The following COL26A1 variants were observed in gnomAD, a reference collection of about 807,000 sequenced individuals.
The protein encoded by COL26A1 is collagen alpha-1(XXVI) chain.
A neutral mutation model predicts 59.3 loss-of-function variants in COL26A1; 41 were observed. That is an observed-to-expected ratio of 0.69 (90% confidence interval 0.54 to 0.90). The LOEUF (loss-of-function observed/expected upper bound fraction) is 0.90, where lower values mean the gene tolerates loss of function less well. Ranked by LOEUF, COL26A1 falls within the 40% of genes least tolerant of loss-of-function variation. The pLI, the probability that COL26A1 is intolerant of heterozygous loss-of-function variation, is 0.00. For missense variants in COL26A1, 612 were observed against 602.3 expected (o/e 1.02, Z -0.17); for synonymous variants, 266 against 256.0 (o/e 1.04, Z -0.37).
chr7:101,395,562 G>C (rs562386231), intron 1 of COL26A1, among the ~76,000 whole-genome samples: 1 of 152,282 alleles, frequency 6.6e-6, no homozygotes, highest in Admixed American at 6.5e-5. Flanking sequence ...TTTAATCAGC[G>C]GGGCTGGAGG....
At chr7:101,419,846 C>T in intron 1 of COL26A1, 131 bp from the exon 2 acceptor site, 5 of 861,422 alleles carry the variant, frequency 5.8e-6, no homozygotes, top group South Asian at 3.3e-5. Context: ...TCTCAGTGGG[C>T]CCCCCATCCA....
intron 3 of COL26A1, among the ~76,000 whole-genome samples, chr7:101,506,139 G>T (rs1781344841): frequency 6.6e-6 from 1 of 152,198 alleles, no homozygotes; most frequent in African/African-American, 2.4e-5. Context: ...CACCCATTCA[G>T]AGCCTTTGGG....
intron 3 of COL26A1, among the ~76,000 whole-genome samples, chr7:101,470,348 C>A (rs1445589417): frequency 6.6e-6 from 1 of 151,986 alleles, no homozygotes; most frequent in Non-Finnish European, 1.5e-5. Context: ...TCCACCTCGG[C>A]CTCCCAAAGT....
At chr7:101,415,000 C>T (rs1293607355) in intron 1 of COL26A1, among the ~76,000 whole-genome samples, 2 of 152,178 alleles carry the variant, frequency 1.3e-5, no homozygotes, top group Non-Finnish European at 2.9e-5. Context: ...ACTTTCTTTT[C>T]CATCTGCAAA....
chr7:101,390,581 A>C (rs1181494672), intron 1 of COL26A1, among the ~76,000 whole-genome samples: 1 of 151,998 alleles, frequency 6.6e-6, no homozygotes, highest in Non-Finnish European at 1.5e-5. Context: ...ATGCACTACC[A>C]TGCCTGGCTA....
chr7:101,500,912 G>A (rs1426197577), intron 3 of COL26A1, among the ~76,000 whole-genome samples: 1 of 151,870 alleles, frequency 6.6e-6, no homozygotes, highest in Non-Finnish European at 1.5e-5. Context: ...ACCACCGGGC[G>A]GTGGCTCACG....
intron 1 of COL26A1, among the ~76,000 whole-genome samples, chr7:101,364,877 G>A (rs1041888916): frequency 1.3e-5 from 2 of 152,110 alleles, no homozygotes; most frequent in African/African-American, 4.8e-5. Context: ...GCCCAGATCT[G>A]GTGTTTTCTA....
chr7:101,387,768 A>ATTT (rs1194001209), intron 1 of COL26A1, among the ~76,000 whole-genome samples: 135 of 36,410 alleles, frequency 3.7e-3, no homozygotes, highest in African/African-American at 8.6e-3. Context: ...ATATATATAT[A>ATTT]TATATATATA....
rs1216019444 is a variant in COL26A1 at position 101,539,836 on chromosome 7, C to G, written c.448-57C>G. On this transcript the variant is annotated intron_variant, in intron 4 of 12. Transcript: ENST00000313669. ...CACATGCATGTCCCTGTGTGTCACG[C>G]ATGTCCCTATGTGTCAGGCCCAACT... is the stretch of plus-strand genomic sequence containing the variant. 3 of 1,551,146 alleles carry G rather than the reference C, an allele frequency of 1.9e-6. No individual in the cohort carries two copies. The East Asian group carries it at 6.8e-5, about 35-fold the overall frequency.
intron 3 of COL26A1, among the ~76,000 whole-genome samples, chr7:101,522,632 C>T (rs1795161016): frequency 6.6e-6 from 1 of 152,050 alleles, no homozygotes; most frequent in African/African-American, 2.4e-5. Flanking sequence ...TTTATTATAT[C>T]CTGGCTTGTA....
At chr7:101,523,668 T>C (rs543129320) in intron 3 of COL26A1, among the ~76,000 whole-genome samples, 1 of 152,332 alleles carries the variant, frequency 6.6e-6, no homozygotes, top group African/African-American at 2.4e-5. Flanking sequence ...CATTTGCGCC[T>C]TTTTCATAAG....
intron 3 of COL26A1, among the ~76,000 whole-genome samples, chr7:101,465,737 T>A (rs1355074095): frequency 6.7e-6 from 1 of 149,164 alleles, no homozygotes; most frequent in Non-Finnish European, 1.5e-5. Context: ...ACAAAGGAAG[T>A]GCTCTCGGCC....
At chr7:101,517,970 A>C (rs888788211) in intron 3 of COL26A1, among the ~76,000 whole-genome samples, 1 of 151,790 alleles carries the variant, frequency 6.6e-6, no homozygotes, top group Non-Finnish European at 1.5e-5. Context: ...TGCACCACCC[A>C]GGCCTAGCTT....
Position 101,424,414 on chromosome 7 carries a change from A to G in COL26A1, c.281+4315A>G, listed in dbSNP as rs190621097. Among the ~76,000 whole-genome samples the G allele has an allele frequency of 7.4e-3, 1,120 of 152,216 alleles. 10 individuals are homozygous for G. Among genetic ancestry groups the G allele is most frequent in the South Asian group, 0.043 (207 of 4,818 alleles). On this transcript the variant is annotated intron_variant, in intron 2 of 12. Transcript: ENST00000313669. ...GGAGTTTGAGACCAGCCTGGCCAACATGGTGAAACCCTGTGTCTACTAAAA... is the reference window on the plus strand; with the variant it reads ...GGAGTTTGAGACCAGCCTGGCCAACGTGGTGAAACCCTGTGTCTACTAAAA...
chr7:101,402,468 T>TA (rs1792030954), intron 1 of COL26A1, among the ~76,000 whole-genome samples: 1 of 152,050 alleles, frequency 6.6e-6, no homozygotes, highest in Non-Finnish European at 1.5e-5. Context: ...TTCTCACCTG[T>TA]AAAAAGGGGG....
Position 101,531,392 on chromosome 7 carries a change from C to T in COL26A1, c.386-1690C>T, listed in dbSNP as rs575600297. 4.6e-5 allele frequency among the ~76,000 whole-genome samples: 7 copies of T among 152,206 alleles called. No individual in the cohort carries two copies. The South Asian group carries it at 1.0e-3, about 23-fold the overall frequency. The stretch of plus-strand genomic sequence containing the variant: ...TCATGTGTCTTTGGTGAAGTCCTGC[C>T]TGGTCCCAGAGTCAGAAAACTGTAT... On this transcript the variant is annotated intron_variant, in intron 3 of 12. Coordinates refer to ENST00000313669, the MANE Select transcript of COL26A1 (RefSeq NM_001278563.3).
At position 101,415,880 on chromosome 7, in the gene COL26A1, A is replaced by G. The variant is rs62465644; in HGVS notation, c.159-4097A>G. Among the ~76,000 whole-genome samples the G allele has an allele frequency of 8.6e-3, 907 of 105,322 alleles. 86 individuals are homozygous for G. Among genetic ancestry groups the G allele is most frequent in the Middle Eastern group, 0.038 (7 of 182 alleles). The allele number at this position is 105,322 out of a possible 152,430, so 69.1% of individuals were successfully genotyped here. On this transcript the variant is annotated intron_variant, in intron 1 of 12. Transcript: ENST00000313669. Reference sequence around the variant, plus strand: ...ACTTCTGGGCTCAAGTGATCCTCCCACCTCAGCCTTCCAAAGTGCTGGGAT... The same window carrying G: ...ACTTCTGGGCTCAAGTGATCCTCCCGCCTCAGCCTTCCAAAGTGCTGGGAT...
intron 1 of COL26A1, among the ~76,000 whole-genome samples, chr7:101,386,257 G>GTTTTTTTTTTT (rs71106515): frequency 2.5e-5 from 3 of 117,668 alleles, no homozygotes; most frequent in Non-Finnish European, 3.5e-5. Context: ...GTCCTAGCTT[G>GTTTTTTTTTTT]TTTTTTTTTT....
chr7:101,527,048 G>A (rs1310254289), intron 3 of COL26A1, among the ~76,000 whole-genome samples: 1 of 152,084 alleles, frequency 6.6e-6, no homozygotes, highest in Non-Finnish European at 1.5e-5. Flanking sequence ...ACAACTCACT[G>A]CAGCCTCCAC....
Sources: gnomAD v4.1 joint callset for allele counts (sites outside exome capture counted in the v4.1 genomes callset) on GRCh38, gnomAD v4.1.1 for gene constraint, MANE v1.5 for transcripts, NCBI Gene and HGNC (gene_info 2026-07-23, HGNC 2026-07-21) for gene names.